Variants in LDAH observed in about 807,000 individuals in gnomAD.
LDAH encodes the protein lipid droplet associated hydrolase.
Under a neutral mutation model 29.6 loss-of-function variants are expected in LDAH, and 26 were observed. The observed-to-expected ratio is 0.88, with a 90% CI of 0.64 to 1.22. The LOEUF is 1.22. LDAH is among the 50% of genes most tolerant of loss of function. The pLI is 0.00. For missense variants in LDAH, 344 were observed against 387.3 expected, an observed-to-expected ratio of 0.89 and a Z score of 0.94; for synonymous variants, 117 against 133.0, an observed-to-expected ratio of 0.88 and a Z score of 0.83.
At chr2:20,717,682 G>C (rs369469555) in intron 5 of LDAH, among the ~76,000 whole-genome samples, 2 of 152,146 alleles carry the variant, frequency 1.3e-5, no homozygotes, top group Non-Finnish European at 2.9e-5. Flanking sequence ...TGTAACATCA[G>C]AAATTCAAAA....
At chr2:20,792,116 T>C (rs1671002885) in intron 2 of LDAH, among the ~76,000 whole-genome samples, 1 of 152,120 alleles carries the variant, frequency 6.6e-6, no homozygotes, top group Non-Finnish European at 1.5e-5. Context: ...TCTTTGGGAT[T>C]GTGACTAAAA....
chr2:20,704,483 TA>T (rs1158198784), intron 5 of LDAH, among the ~76,000 whole-genome samples: 2 of 152,192 alleles, frequency 1.3e-5, no homozygotes, highest in Non-Finnish European at 2.9e-5. Flanking sequence ...TATAACCTAT[TA>T]AAAATTATCC....
At chr2:20,804,008 C>T (rs965386136) in intron 1 of LDAH, among the ~76,000 whole-genome samples, 8 of 152,146 alleles carry the variant, frequency 5.3e-5, no homozygotes, top group African/African-American at 1.9e-4. Flanking sequence ...CTATTTGTTA[C>T]ATGAAGCCTT....
chr2:20,730,104 C>T (rs373533244), intron 5 of LDAH, among the ~76,000 whole-genome samples: 5 of 152,290 alleles, frequency 3.3e-5, no homozygotes, highest in South Asian at 2.1e-4. Flanking sequence ...GAGCATAATT[C>T]TCTGGAGATG....
chr2:20,710,066 G>C (rs1472641830), intron 5 of LDAH, among the ~76,000 whole-genome samples: 1 of 151,982 alleles, frequency 6.6e-6, no homozygotes, highest in East Asian at 1.9e-4. Context: ...GTTCACACCA[G>C]AAATTAATGC....
chr2:20,802,455 G>A (rs1671775521), intron 1 of LDAH, among the ~76,000 whole-genome samples: 1 of 152,096 alleles, frequency 6.6e-6, no homozygotes, highest in African/African-American at 2.4e-5. Context: ...ACCATTTCCT[G>A]AGTAATTAGT....
At chr2:20,793,032 T>C (rs1303713322) in intron 2 of LDAH, among the ~76,000 whole-genome samples, 1 of 152,146 alleles carries the variant, frequency 6.6e-6, no homozygotes, top group Non-Finnish European at 1.5e-5. Context: ...ATCAAGTAAA[T>C]GATGATGCCA....
intron 4 of LDAH, among the ~76,000 whole-genome samples, chr2:20,755,519 C>T (rs986379235): frequency 1.3e-5 from 2 of 152,102 alleles, no homozygotes; most frequent in Non-Finnish European, 2.9e-5. Context: ...ACAGATGGAT[C>T]CAAGACCATA....
chr2:20,716,328 A>C (rs937827543), intron 5 of LDAH, among the ~76,000 whole-genome samples: 12 of 152,096 alleles, frequency 7.9e-5, no homozygotes, highest in African/African-American at 2.9e-4. Flanking sequence ...GAACCAACCC[A>C]AATGTCCATC....
intron 4 of LDAH, among the ~76,000 whole-genome samples, chr2:20,755,613 T>C (rs985106239): frequency 2.6e-5 from 4 of 152,156 alleles, no homozygotes; most frequent in Non-Finnish European, 4.4e-5. Context: ...CCTGGGACAC[T>C]TGCCTCATCC....
chr2:20,694,258 GA>G (rs2149337891), intron 6 of LDAH, among the ~76,000 whole-genome samples: 1 of 152,336 alleles, frequency 6.6e-6, no homozygotes, highest in East Asian at 1.9e-4. Flanking sequence ...CATTTCTGGG[GA>G]GAGTCCAGAC....
chr2:20,801,267 G>C, intron 2 of LDAH, 43 bp downstream of exon 2: 5 of 1,574,158 alleles, frequency 3.2e-6, no homozygotes, highest in Non-Finnish European at 4.3e-6. Flanking sequence ...ACATAGTTAT[G>C]AGTATCTACA....
At chr2:20,811,960 G>A (rs565543793) in intron 1 of LDAH, among the ~76,000 whole-genome samples, 2 of 152,250 alleles carry the variant, frequency 1.3e-5, no homozygotes, top group East Asian at 3.9e-4. Context: ...GTGAATGAGA[G>A]TCTTGGTAAT....
chr2:20,782,403 C>T (rs1670257350), intron 3 of LDAH, among the ~76,000 whole-genome samples: 2 of 152,170 alleles, frequency 1.3e-5, no homozygotes, highest in Non-Finnish European at 2.9e-5. Context: ...TGACCATATC[C>T]TTTTAATGTG....
chr2:20,689,062 C>T (rs1662805350), intron 6 of LDAH, among the ~76,000 whole-genome samples: 1 of 151,948 alleles, frequency 6.6e-6, no homozygotes, highest in African/African-American at 2.4e-5. Flanking sequence ...TTGTTCAACT[C>T]CCACTTATGA....
At chr2:20,691,072 C>T (rs1475625393) in intron 6 of LDAH, among the ~76,000 whole-genome samples, 2 of 152,122 alleles carry the variant, frequency 1.3e-5, no homozygotes, top group African/African-American at 4.8e-5. Context: ...TAAATAGACC[C>T]GTTATAAAAA....
At chr2:20,731,047 C>G (rs989244601) in intron 5 of LDAH, among the ~76,000 whole-genome samples, 5 of 152,306 alleles carry the variant, frequency 3.3e-5, no homozygotes, top group Non-Finnish European at 5.9e-5. Flanking sequence ...TTTCCAAATA[C>G]ATTTTAGAAT....
intron 3 of LDAH, among the ~76,000 whole-genome samples, chr2:20,782,932 T>A (rs1409441142): frequency 8.5e-5 from 13 of 152,230 alleles, no homozygotes; most frequent in Admixed American, 8.5e-4. Context: ...TATATCTTCC[T>A]TCTTCTCTAA....
chr2:20,747,497 C>T (rs1036667456), intron 4 of LDAH, among the ~76,000 whole-genome samples: 14 of 152,260 alleles, frequency 9.2e-5, no homozygotes, highest in African/African-American at 2.9e-4. Flanking sequence ...CAAAGATAAA[C>T]TTGCTAGCTG....
Sources: allele counts gnomAD v4.1 joint callset (sites outside exome capture counted in the v4.1 genomes callset), GRCh38; gene constraint gnomAD v4.1.1; transcripts MANE v1.5; gene names NCBI Gene and HGNC (gene_info 2026-07-23, HGNC 2026-07-21).